Variants in COX10 observed in about 807,000 individuals in gnomAD.
COX10 encodes the protein protoheme IX farnesyltransferase, mitochondrial.
COX10 carries 27 observed loss-of-function variants against 37.3 expected under a neutral mutation model. The ratio of observed to expected loss-of-function variants is 0.72; its 90% CI spans 0.53 to 1.00. The LOEUF is 1.00. Among genes scored for constraint, COX10 ranks in the 50% least tolerant of loss-of-function variants. The probability of loss-of-function intolerance (pLI) is 0.00; values close to 1 mark genes in which losing one functional copy is unlikely to be tolerated. For synonymous variants in COX10, 222 were observed against 229.1 expected, an observed-to-expected ratio of 0.97 and a Z score of 0.28; for missense variants, 475 against 563.2, an observed-to-expected ratio of 0.84 and a Z score of 1.59.
At chr17:14,089,256 G>T (rs1225452033) in intron 3 of COX10, among the ~76,000 whole-genome samples, 1 of 152,082 alleles carries the variant, frequency 6.6e-6, no homozygotes, top group African/African-American at 2.4e-5. Flanking sequence ...CCACTCTTTA[G>T]TCTGCTCTGT....
intron 6 of COX10, among the ~76,000 whole-genome samples, chr17:14,201,851 A>G (rs1906549964): frequency 1.3e-5 from 2 of 152,226 alleles, no homozygotes; most frequent in Non-Finnish European, 2.9e-5. Context: ...TCAAAGTCTC[A>G]GCGTGACCCC....
intron 4 of COX10, among the ~76,000 whole-genome samples, chr17:14,103,453 G>A (rs570710828): frequency 1.2e-4 from 18 of 152,120 alleles, no homozygotes; most frequent in South Asian, 8.3e-4. Context: ...CCTCCTTTTC[G>A]TAAATTGAAA....
At chr17:14,126,101 T>A (rs902323746) in intron 4 of COX10, among the ~76,000 whole-genome samples, 3 of 152,208 alleles carry the variant, frequency 2.0e-5, no homozygotes, top group African/African-American at 7.2e-5. Context: ...GATTCATTGC[T>A]GGGTTTTTTT....
At chr17:14,120,603 G>T (rs1024922858) in intron 4 of COX10, among the ~76,000 whole-genome samples, 3 of 152,158 alleles carry the variant, frequency 2.0e-5, no homozygotes, top group East Asian at 1.9e-4. Context: ...TTGTTGGTCT[G>T]TTGGATGGGG....
chr17:14,113,650 C>T (rs914397791), intron 4 of COX10, among the ~76,000 whole-genome samples: 7 of 152,024 alleles, frequency 4.6e-5, no homozygotes, highest in African/African-American at 1.4e-4. Flanking sequence ...TGAATTATAT[C>T]GTAAAAGAGC....
intron 6 of COX10, among the ~76,000 whole-genome samples, chr17:14,204,397 G>A (rs1248533917): frequency 6.6e-6 from 1 of 151,886 alleles, no homozygotes; most frequent in Admixed American, 6.6e-5. Context: ...CTCAGTAAGT[G>A]GCATCTGTAT....
intron 4 of COX10, among the ~76,000 whole-genome samples, chr17:14,113,621 A>G (rs755811132): frequency 1.3e-5 from 2 of 152,142 alleles, no homozygotes; most frequent in East Asian, 3.9e-4. Flanking sequence ...GCTGCTAACC[A>G]TGGATAATTG....
intron 3 of COX10, among the ~76,000 whole-genome samples, chr17:14,095,951 C>G (rs1457292171): frequency 6.6e-6 from 1 of 152,128 alleles, no homozygotes; most frequent in Non-Finnish European, 1.5e-5. Flanking sequence ...GCTTATGGAA[C>G]TAGGTAATTT....
At chr17:14,203,105 C>A (rs1906594075) in intron 6 of COX10, among the ~76,000 whole-genome samples, 1 of 152,136 alleles carries the variant, frequency 6.6e-6, no homozygotes, top group Non-Finnish European at 1.5e-5. Flanking sequence ...TTCTAGCACC[C>A]AGAATTGTGC....
intron 4 of COX10, among the ~76,000 whole-genome samples, chr17:14,147,713 T>G (rs996087615): frequency 2.7e-5 from 4 of 148,620 alleles, no homozygotes; most frequent in African/African-American, 1.1e-4. Context: ...GTGACTATTA[T>G]ACATTGCATG....
intron 4 of COX10, among the ~76,000 whole-genome samples, chr17:14,112,693 C>T (rs897244681): frequency 1.3e-5 from 2 of 151,992 alleles, no homozygotes; most frequent in Admixed American, 6.6e-5. Context: ...AGAAAAGTGA[C>T]CAGAACATCA....
At chr17:14,115,414 C>G (rs536053201) in intron 4 of COX10, among the ~76,000 whole-genome samples, 4 of 152,200 alleles carry the variant, frequency 2.6e-5, no homozygotes, top group African/African-American at 9.6e-5. Context: ...GAAAAGGGAA[C>G]TCATACACTG....
chr17:14,106,999 C>A (rs1330794041), intron 4 of COX10, among the ~76,000 whole-genome samples: 1 of 152,108 alleles, frequency 6.6e-6, no homozygotes, highest in African/African-American at 2.4e-5. Flanking sequence ...AATAATTTCT[C>A]ATCTTAGCAC....
intron 3 of COX10, among the ~76,000 whole-genome samples, chr17:14,081,127 C>A (rs2142185515): frequency 6.6e-6 from 1 of 152,336 alleles, no homozygotes; most frequent in Admixed American, 6.5e-5. Context: ...TATCATGCCG[C>A]AGTGACAGAG....
At chr17:14,089,761 C>G (rs911229607) in intron 3 of COX10, among the ~76,000 whole-genome samples, 1 of 152,134 alleles carries the variant, frequency 6.6e-6, no homozygotes, top group Non-Finnish European at 1.5e-5. Flanking sequence ...TGTTATAATG[C>G]AAATGTGTAG....
intron 4 of COX10, among the ~76,000 whole-genome samples, chr17:14,145,371 C>A (rs984877749): frequency 3.3e-5 from 5 of 152,104 alleles, no homozygotes; most frequent in Non-Finnish European, 7.4e-5. Context: ...ACTGCTTAGG[C>A]ACATGCACAG....
chr17:14,196,275 G>A (rs1906364195), intron 6 of COX10, among the ~76,000 whole-genome samples: 1 of 152,178 alleles, frequency 6.6e-6, no homozygotes, highest in South Asian at 2.1e-4. Flanking sequence ...CAGGGTCTTT[G>A]GGGAGAGGCA....
chr17:14,098,517 A>T (rs1915701577), intron 3 of COX10, among the ~76,000 whole-genome samples: 1 of 152,134 alleles, frequency 6.6e-6, no homozygotes, highest in African/African-American at 2.4e-5. Flanking sequence ...TTTGCAATTT[A>T]TGGTGTGATA....
chr17:14,102,751 A>G (rs749443189), intron 4 of COX10, among the ~76,000 whole-genome samples: 6 of 152,202 alleles, frequency 3.9e-5, no homozygotes, highest in Non-Finnish European at 8.8e-5. Context: ...TATTTTTAAT[A>G]CATCCCCCCC....
Sources: allele counts gnomAD v4.1 joint callset (sites outside exome capture counted in the v4.1 genomes callset), GRCh38; gene constraint gnomAD v4.1.1; transcripts MANE v1.5; gene names NCBI Gene and HGNC (gene_info 2026-07-23, HGNC 2026-07-21).